The following CRACR2A variants were observed in gnomAD, a reference collection of about 807,000 sequenced individuals.
CRACR2A encodes the protein calcium release activated channel regulator 2A, also known as EF-hand calcium-binding domain-containing protein 4B.
A neutral mutation model predicts 90.5 loss-of-function variants in CRACR2A; 79 were observed. The observed-to-expected ratio is 0.87, with a 90% CI of 0.73 to 1.05. The LOEUF (loss-of-function observed/expected upper bound fraction) is 1.05, where lower values mean the gene tolerates loss of function less well. Among genes scored for constraint, CRACR2A ranks in the 50% least tolerant of loss-of-function variants. CRACR2A has a pLI of 0.00. For missense variants in CRACR2A, 823 were observed against 897.2 expected, an observed-to-expected ratio of 0.92 and a Z score of 1.06; for synonymous variants, 338 against 356.7, an observed-to-expected ratio of 0.95 and a Z score of 0.59.
At chr12:3,745,471 G>A (rs761345149) in intron 1 of CRACR2A, among the ~76,000 whole-genome samples, 7 of 152,048 alleles carry the variant, frequency 4.6e-5, no homozygotes, top group Non-Finnish European at 7.4e-5. Flanking sequence ...GCCCTGCTCA[G>A]GTTAAGAAAT....
intron 3 of CRACR2A, among the ~76,000 whole-genome samples, chr12:3,708,123 G>A (rs922423059): frequency 2.6e-5 from 4 of 152,144 alleles, no homozygotes; most frequent in African/African-American, 9.7e-5. Flanking sequence ...GTAACTCTTA[G>A]AAGGTGGACC....
At chr12:3,644,492 C>T in intron 12 of CRACR2A, 103 bp downstream of exon 12, 1 of 1,214,074 alleles carries the variant, frequency 8.2e-7, no homozygotes, top group Non-Finnish European at 1.2e-6. Context: ...CCAAATAGAT[C>T]CCGAGTGTCA....
intron 13 of CRACR2A, among the ~76,000 whole-genome samples, chr12:3,639,042 T>C (rs552120944): frequency 1.2e-4 from 18 of 152,180 alleles, no homozygotes; most frequent in Admixed American, 5.2e-4. Context: ...AAAACAGACA[T>C]GTTTGCAAAA....
chr12:3,684,466 A>G (rs1488472878), intron 4 of CRACR2A, among the ~76,000 whole-genome samples: 1 of 152,064 alleles, frequency 6.6e-6, no homozygotes, highest in Non-Finnish European at 1.5e-5. Context: ...CAGGGGAGGG[A>G]CCATCCTGTG....
intron 1 of CRACR2A, among the ~76,000 whole-genome samples, chr12:3,737,248 A>G (rs1290921860): frequency 6.6e-6 from 1 of 152,208 alleles, no homozygotes; most frequent in Non-Finnish European, 1.5e-5. Flanking sequence ...GAGGGAGGAC[A>G]GTGGGCATAA....
chr12:3,628,239 T>TTCTG (rs1338094484), intron 15 of CRACR2A, among the ~76,000 whole-genome samples: 1 of 151,650 alleles, frequency 6.6e-6, no homozygotes, highest in Non-Finnish European at 1.5e-5. Flanking sequence ...CTTTCTTTCT[T>TTCTG]TCTTTCCTTC....
At chr12:3,645,863 A>G (rs1944675900) in intron 11 of CRACR2A, among the ~76,000 whole-genome samples, 1 of 152,234 alleles carries the variant, frequency 6.6e-6, no homozygotes, top group Non-Finnish European at 1.5e-5. Flanking sequence ...GAAACATTAG[A>G]GTACATTTGT....
chr12:3,673,568 C>T lies in CRACR2A; in HGVS notation c.549G>A (p.Trp183Ter). ...LEDESDVKQL[W>*]LQLKKEEPHL... ...GAGGTTCCTCCTTCTTCAGCTGCAA[C>T]CAGAGCTGCTTGACATCACTTTCAC... Residue 183 changes from tryptophan (W) to a stop codon, truncating the protein, a stop_gained, in exon 7 of 20, where the codon TGG becomes TGA. Transcript: ENST00000440314. LOFTEE classifies it high-confidence loss of function. The T allele has an allele frequency of 6.2e-7, 1 of 1,613,792 alleles. No individual in the cohort carries two copies. Among genetic ancestry groups the T allele is most frequent in the Non-Finnish European group, 8.5e-7 (1 of 1,180,006 alleles).
chr12:3,693,762 T>C (rs950822196), intron 4 of CRACR2A, among the ~76,000 whole-genome samples: 3 of 152,156 alleles, frequency 2.0e-5, no homozygotes, highest in East Asian at 1.9e-4. Context: ...ATTTCAGTCT[T>C]GGAGAATCTG....
chr12:3,674,106 C>T (rs548025626), intron 6 of CRACR2A, among the ~76,000 whole-genome samples: 1 of 152,310 alleles, frequency 6.6e-6, no homozygotes, highest in South Asian at 2.1e-4. Context: ...AAGCAGAGAG[C>T]TCGTTGCCCC....
chr12:3,682,308 C>T (rs546237665), intron 4 of CRACR2A, among the ~76,000 whole-genome samples: 46 of 152,282 alleles, frequency 3.0e-4, no homozygotes, highest in African/African-American at 1.1e-3. Context: ...CAACGGGACC[C>T]TCAACATGCC....
chr12:3,722,007 C>T (rs892850473), intron 2 of CRACR2A, among the ~76,000 whole-genome samples: 1 of 152,186 alleles, frequency 6.6e-6, no homozygotes, highest in African/African-American at 2.4e-5. Flanking sequence ...TGCTCACTGT[C>T]AGTGTTTCAA....
chr12:3,628,161 C>T (rs1238438661), intron 15 of CRACR2A, among the ~76,000 whole-genome samples: 1 of 148,122 alleles, frequency 6.8e-6, no homozygotes, highest in East Asian at 2.1e-4. Flanking sequence ...TCTCCCCCAA[C>T]TCTCTCTTTC....
intron 2 of CRACR2A, among the ~76,000 whole-genome samples, chr12:3,724,508 G>T (rs1421167188): frequency 6.6e-6 from 1 of 152,248 alleles, no homozygotes; most frequent in African/African-American, 2.4e-5. Context: ...CATTGTGTGT[G>T]CTCTGAGGCT....
At chr12:3,641,886 G>A in intron 12 of CRACR2A, 48 bp from the exon 13 acceptor site, 2 of 1,505,740 alleles carry the variant, frequency 1.3e-6, no homozygotes, top group Admixed American at 2.0e-5. Flanking sequence ...TTGCTCCGAT[G>A]TTTGAACAGA....
At chr12:3,637,965 C>T (rs1332162568) in intron 14 of CRACR2A, among the ~76,000 whole-genome samples, 159 bp downstream of exon 14, 1 of 152,188 alleles carries the variant, frequency 6.6e-6, no homozygotes, top group African/African-American at 2.4e-5. Context: ...TGACACTCAG[C>T]TAAGCAGGGG....
At chr12:3,629,848 A>AGG (rs56031844) in intron 15 of CRACR2A, among the ~76,000 whole-genome samples, 26 of 90,006 alleles carry the variant, frequency 2.9e-4, no homozygotes, top group African/African-American at 7.5e-4. Flanking sequence ...GGAAAAGACA[A>AGG]GGGGGGGGGG....
intron 2 of CRACR2A, among the ~76,000 whole-genome samples, chr12:3,723,487 C>T (rs1946213882): frequency 6.6e-6 from 1 of 151,966 alleles, no homozygotes; most frequent in Admixed American, 6.6e-5. Context: ...TTCAAAATAC[C>T]CTACTGCTCA....
chr12:3,736,794 C>T (rs931367955), intron 1 of CRACR2A, among the ~76,000 whole-genome samples: 1 of 152,194 alleles, frequency 6.6e-6, no homozygotes, highest in African/African-American at 2.4e-5. Context: ...TAGAGGCTGA[C>T]AGCAGGTTCA....
Sources: gnomAD v4.1 joint callset for allele counts (sites outside exome capture counted in the v4.1 genomes callset) on GRCh38, gnomAD v4.1.1 for gene constraint, MANE v1.5 for transcripts, NCBI Gene and HGNC (gene_info 2026-07-23, HGNC 2026-07-21) for gene names.